TGFA: variants seen among roughly 807,000 people sequenced by gnomAD.
TGFA encodes the protein protransforming growth factor alpha.
In TGFA, 12 loss-of-function variants were observed where a neutral mutation model predicts 21.7. The observed-to-expected ratio is 0.55, with a 90% CI of 0.35 to 0.90. The LOEUF (loss-of-function observed/expected upper bound fraction) is 0.90, where lower values mean the gene tolerates loss of function less well. Among genes scored for constraint, TGFA ranks in the 40% least tolerant of loss-of-function variants. TGFA has a pLI of 0.01. For synonymous variants in TGFA, 79 were observed against 88.1 expected, an observed-to-expected ratio of 0.90 and a Z score of 0.58; for missense variants, 178 against 210.8, an observed-to-expected ratio of 0.84 and a Z score of 0.96.
chr2:70,450,629 A>G lies in TGFA; in HGVS notation c.*230T>C. 1 of 544,892 alleles carries G rather than the reference A, an allele frequency of 1.8e-6. No homozygotes were observed. Among genetic ancestry groups the G allele is most frequent in the South Asian group, 2.7e-5 (1 of 37,010 alleles). 33.8% of individuals were successfully genotyped at this position (544,892 alleles called of 1,614,324 possible). ...GTCTCTTTGCAGTTCTTTTTTAACA[A>G]GTCTTGAAATCGTGGTCCGCTGATT... On this transcript the variant is annotated 3_prime_UTR_variant, in exon 6 of 6. Coordinates refer to ENST00000295400, the MANE Select transcript of TGFA (RefSeq NM_003236.4).
intron 2 of TGFA, among the ~76,000 whole-genome samples, chr2:70,477,227 A>G (rs1002767878): frequency 6.6e-6 from 1 of 152,232 alleles, no homozygotes; most frequent in Admixed American, 6.5e-5. Context: ...AAAAAGGAAG[A>G]AGGAGGAAGG....
At chr2:70,523,523 A>T (rs1457531657) in intron 1 of TGFA, among the ~76,000 whole-genome samples, 1 of 152,150 alleles carries the variant, frequency 6.6e-6, no homozygotes, top group African/African-American at 2.4e-5. Flanking sequence ...TCTTCTGCGT[A>T]GAAAAGCCTC....
At chr2:70,544,201 C>T (rs1469412316) in intron 1 of TGFA, among the ~76,000 whole-genome samples, 1 of 151,858 alleles carries the variant, frequency 6.6e-6, no homozygotes, top group South Asian at 2.1e-4. Flanking sequence ...AAACATTACC[C>T]GTAAAGCCAT....
intron 2 of TGFA, among the ~76,000 whole-genome samples, chr2:70,514,081 C>T (rs1221706190): frequency 1.3e-5 from 2 of 152,118 alleles, no homozygotes; most frequent in East Asian, 1.9e-4. Context: ...CTAGAGCCAC[C>T]GTAAATATCC....
intron 2 of TGFA, among the ~76,000 whole-genome samples, chr2:70,492,698 AG>A (rs1671469667): frequency 6.6e-6 from 1 of 152,202 alleles, no homozygotes. Flanking sequence ...CGTGTAAAGT[AG>A]GGGTTTTCCA....
chr2:70,529,862 G>A (rs529097669), intron 1 of TGFA, among the ~76,000 whole-genome samples: 1 of 152,356 alleles, frequency 6.6e-6, no homozygotes, highest in Admixed American at 6.5e-5. Flanking sequence ...TGAGATCACT[G>A]CAGAAGTTCA....
At chr2:70,508,191 A>G (rs1553500477) in intron 2 of TGFA, among the ~76,000 whole-genome samples, 1 of 152,110 alleles carries the variant, frequency 6.6e-6, no homozygotes, top group Non-Finnish European at 1.5e-5. Flanking sequence ...ATGCCTGTAA[A>G]CCCAGCACTT....
intron 2 of TGFA, 129 bp from the exon 3 acceptor site, chr2:70,465,865 A>G: frequency 7.5e-7 from 1 of 1,329,656 alleles, no homozygotes; most frequent in Non-Finnish European, 1.0e-6. Context: ...CCTGGGGCAC[A>G]CCCTCCTCAG....
chr2:70,537,852 A>G (rs1469077687), intron 1 of TGFA, among the ~76,000 whole-genome samples: 3 of 152,230 alleles, frequency 2.0e-5, no homozygotes, highest in Non-Finnish European at 4.4e-5. Flanking sequence ...GAAGGTGGCT[A>G]CTCTGCACAA....
chr2:70,489,987 AC>A (rs1158965596), intron 2 of TGFA, among the ~76,000 whole-genome samples: 1 of 152,088 alleles, frequency 6.6e-6, no homozygotes, highest in Non-Finnish European at 1.5e-5. Context: ...GCCAGGGCCC[AC>A]CCCCACACCC....
At chr2:70,475,153 G>T (rs1048826487) in intron 2 of TGFA, among the ~76,000 whole-genome samples, 2 of 152,130 alleles carry the variant, frequency 1.3e-5, no homozygotes. Context: ...GAAGTATTTT[G>T]CCAGCTTTCA....
In TGFA at chr2:70,485,221, C is replaced by T. The variant is rs115021922; in HGVS notation, c.95-19485G>A. Among the ~76,000 whole-genome samples, 1,023 of 152,214 alleles carry T rather than the reference C, an allele frequency of 6.7e-3. 8 individuals carry two copies. Among genetic ancestry groups the T allele is most frequent in the African/African-American group, 0.013 (543 of 41,510 alleles). Reference sequence around the variant, plus strand: ...CAAGCTCACCCTTCCTAAATTGATACGCCTACCTTCACAGTCATCCCCCCC... The same window carrying T: ...CAAGCTCACCCTTCCTAAATTGATATGCCTACCTTCACAGTCATCCCCCCC... On this transcript the variant is annotated intron_variant, in intron 2 of 5. Transcript: ENST00000295400.
chr2:70,523,320 C>T (rs925180992), intron 1 of TGFA, among the ~76,000 whole-genome samples: 4 of 152,144 alleles, frequency 2.6e-5, no homozygotes, highest in South Asian at 2.1e-4. Flanking sequence ...TCATTGTGAA[C>T]GTTCGTTGTG....
At chr2:70,487,827 A>G (rs1021463123) in intron 2 of TGFA, among the ~76,000 whole-genome samples, 3 of 152,178 alleles carry the variant, frequency 2.0e-5, no homozygotes, top group Non-Finnish European at 4.4e-5. Flanking sequence ...ACGCACATTT[A>G]TGATTATTTT....
chr2:70,539,685 C>T (rs1553504977), intron 1 of TGFA, among the ~76,000 whole-genome samples: 1 of 152,146 alleles, frequency 6.6e-6, no homozygotes, highest in Non-Finnish European at 1.5e-5. Context: ...GAACTCCTGA[C>T]CTCAAGTGAT....
At chr2:70,483,122 T>A (rs1553496003) in intron 2 of TGFA, among the ~76,000 whole-genome samples, 2 of 152,228 alleles carry the variant, frequency 1.3e-5, no homozygotes, top group African/African-American at 2.4e-5. Context: ...GTCATGTGCC[T>A]TGTTGAACTC....
At chr2:70,508,394 A>C (rs1553500516) in intron 2 of TGFA, among the ~76,000 whole-genome samples, 2 of 152,230 alleles carry the variant, frequency 1.3e-5, no homozygotes, top group South Asian at 4.1e-4. Flanking sequence ...GCAGTGAGCC[A>C]AGATTGCACC....
chr2:70,481,248 C>T (rs1553495469), intron 2 of TGFA, among the ~76,000 whole-genome samples: 1 of 152,158 alleles, frequency 6.6e-6, no homozygotes, highest in Admixed American at 6.5e-5. Flanking sequence ...GGAGAGGACA[C>T]CCAGCCTGTG....
rs115484372 is a variant in TGFA at position 70,549,295 on chromosome 2, G to A, written c.40+4433C>T. Among the ~76,000 whole-genome samples, 436 of 152,252 alleles carry A rather than the reference G, an allele frequency of 2.9e-3. 2 individuals carry two copies. Among genetic ancestry groups the A allele is most frequent in the African/African-American group, 9.0e-3 (374 of 41,542 alleles). On this transcript the variant is annotated intron_variant, in intron 1 of 5. Coordinates refer to ENST00000295400, the MANE Select transcript of TGFA (RefSeq NM_003236.4). ...CTTTAATAGTAGCTTGTAAATTCAC[G>A]GTGGCATTTACAAGCGTCTGAACGT...
Sources: allele counts gnomAD v4.1 joint callset (sites outside exome capture counted in the v4.1 genomes callset), GRCh38; gene constraint gnomAD v4.1.1; transcripts MANE v1.5; gene names NCBI Gene and HGNC (gene_info 2026-07-23, HGNC 2026-07-21).